The following PAPSS1 variants were observed in gnomAD, a reference collection of about 807,000 sequenced individuals.
PAPSS1 encodes 3'-phosphoadenosine 5'-phosphosulfate synthase 1.
PAPSS1 carries 50 observed loss-of-function variants against 72.0 expected under a neutral mutation model. That is an observed-to-expected ratio of 0.69 (90% confidence interval 0.55 to 0.88). The LOEUF (loss-of-function observed/expected upper bound fraction) is 0.88, where lower values mean the gene tolerates loss of function less well. Ranked by LOEUF, PAPSS1 falls within the 40% of genes least tolerant of loss-of-function variation. PAPSS1 has a pLI of 0.00. For synonymous variants in PAPSS1, 261 were observed against 263.6 expected (o/e 0.99, Z 0.09); for missense variants, 657 against 782.2 (o/e 0.84, Z 1.91).
At chr4:107,696,034 C>T (rs1003783121) in intron 2 of PAPSS1, among the ~76,000 whole-genome samples, 1 of 152,132 alleles carries the variant, frequency 6.6e-6, no homozygotes, top group Admixed American at 6.5e-5. Context: ...TCATCTCATG[C>T]CAGTCAGAAT....
intron 5 of PAPSS1, among the ~76,000 whole-genome samples, chr4:107,669,182 C>T (rs554247813): frequency 2.6e-5 from 4 of 152,270 alleles, no homozygotes; most frequent in African/African-American, 9.6e-5. Context: ...ATGAAAAGTA[C>T]ACATTATAGC....
chr4:107,687,190 T>G lies in PAPSS1; in HGVS notation c.412-13A>C. 1 of 1,533,728 alleles carries G rather than the reference T, an allele frequency of 6.5e-7. No homozygotes were observed. ...CATTGTTGCGATCCTTAAAAAAAAATAAAATAAAAAGTGATCACACAAATC... is the reference window on the plus strand; with the variant it reads ...CATTGTTGCGATCCTTAAAAAAAAAGAAAATAAAAAGTGATCACACAAATC... On this transcript the variant is annotated splice_polypyrimidine_tract_variant and intron_variant, in intron 3 of 11. Coordinates refer to ENST00000265174, the MANE Select transcript of PAPSS1 (RefSeq NM_005443.5).
At chr4:107,694,051 G>T in intron 2 of PAPSS1, 45 bp from the exon 3 acceptor site, 1 of 1,341,828 alleles carries the variant, frequency 7.5e-7, no homozygotes, top group Non-Finnish European at 1.0e-6. Context: ...AAAGTTAGAA[G>T]GATAACTATG....
chr4:107,719,993 C>A (rs999562753), intron 1 of PAPSS1, 127 bp downstream of exon 1: 5 of 1,480,906 alleles, frequency 3.4e-6, no homozygotes, highest in Non-Finnish European at 3.6e-6. Context: ...CGCCGCAGCC[C>A]CGGAACCCAC....
intron 10 of PAPSS1, among the ~76,000 whole-genome samples, chr4:107,633,222 A>C (rs1293065827): frequency 6.6e-6 from 1 of 152,234 alleles, no homozygotes; most frequent in African/African-American, 2.4e-5. Flanking sequence ...AGTGATATCA[A>C]CATTTTTGAT....
At chr4:107,696,240 T>C (rs1035419066) in intron 2 of PAPSS1, among the ~76,000 whole-genome samples, 10 of 152,316 alleles carry the variant, frequency 6.6e-5, no homozygotes, top group Admixed American at 2.0e-4. Context: ...CCCAAAGGAA[T>C]ATAAATCATT....
intron 11 of PAPSS1, among the ~76,000 whole-genome samples, chr4:107,615,395 C>T (rs1725794852): frequency 6.6e-6 from 1 of 152,162 alleles, no homozygotes; most frequent in South Asian, 2.1e-4. Context: ...GTTCCTTCCT[C>T]TCTTCATTAT....
At chr4:107,687,242 A>G (rs1296274133) in intron 3 of PAPSS1, 65 bp from the exon 4 acceptor site, 2 of 1,253,960 alleles carry the variant, frequency 1.6e-6, no homozygotes, top group Non-Finnish European at 2.1e-6. Context: ...AATATTAAAG[A>G]TGAGTAAAAA....
intron 3 of PAPSS1, among the ~76,000 whole-genome samples, chr4:107,690,508 A>G (rs1477379112): frequency 5.3e-5 from 8 of 152,136 alleles, no homozygotes; most frequent in Admixed American, 5.2e-4. Context: ...TTGCCTCAAG[A>G]TATTGTAACT....
chr4:107,626,050 C>T (rs556354545), intron 11 of PAPSS1, among the ~76,000 whole-genome samples: 319 of 151,742 alleles, frequency 2.1e-3, no homozygotes, highest in Non-Finnish European at 3.6e-3. Context: ...CGGTGGCAGG[C>T]GCTGGGAGTC....
intron 10 of PAPSS1, among the ~76,000 whole-genome samples, chr4:107,643,391 TGCAA>T (rs1379679026): frequency 6.6e-6 from 1 of 152,160 alleles, no homozygotes; most frequent in Non-Finnish European, 1.5e-5. Flanking sequence ...CTATTTCCCA[TGCAA>T]CTTTGGACAT....
At chr4:107,654,930 C>G (rs1274243344) in intron 7 of PAPSS1, 30 bp from the exon 8 acceptor site, 1 of 1,543,606 alleles carries the variant, frequency 6.5e-7, no homozygotes, top group Admixed American at 1.7e-5. Flanking sequence ...ATGAAGCACA[C>G]AGCTTGAATT....
intron 4 of PAPSS1, among the ~76,000 whole-genome samples, chr4:107,684,041 G>A (rs907087970): frequency 6.6e-6 from 1 of 151,938 alleles, no homozygotes; most frequent in Non-Finnish European, 1.5e-5. Context: ...CAACAACAGG[G>A]GAATGTAGTC....
intron 9 of PAPSS1, among the ~76,000 whole-genome samples, chr4:107,651,509 G>T (rs1343594872): frequency 6.6e-6 from 1 of 152,184 alleles, no homozygotes; most frequent in Non-Finnish European, 1.5e-5. Context: ...TTGACTCACA[G>T]TTCCACACAG....
At chr4:107,696,997 C>A (rs111577010) in intron 2 of PAPSS1, among the ~76,000 whole-genome samples, 1 of 152,148 alleles carries the variant, frequency 6.6e-6, no homozygotes, top group East Asian at 1.9e-4. Flanking sequence ...AATAGTGACA[C>A]GATGATGTGT....
At chr4:107,614,887 G>A (rs540781307) in intron 11 of PAPSS1, among the ~76,000 whole-genome samples, 1 of 151,890 alleles carries the variant, frequency 6.6e-6, no homozygotes, top group Non-Finnish European at 1.5e-5. Context: ...CCCATCTCAC[G>A]GGTTGCCCTT....
intron 10 of PAPSS1, among the ~76,000 whole-genome samples, chr4:107,637,693 G>A (rs767474223): frequency 1.3e-5 from 2 of 152,038 alleles, no homozygotes; most frequent in Non-Finnish European, 2.9e-5. Flanking sequence ...TATTCTATAA[G>A]GCCAACTTTA....
chr4:107,679,740 G>A (rs915141062), intron 5 of PAPSS1, among the ~76,000 whole-genome samples: 6 of 150,590 alleles, frequency 4.0e-5, no homozygotes, highest in South Asian at 2.1e-4. Flanking sequence ...GAGCAGTGGC[G>A]CAATCTCGGC....
chr4:107,697,087 C>T (rs1560588841), intron 2 of PAPSS1, among the ~76,000 whole-genome samples: 2 of 152,036 alleles, frequency 1.3e-5, no homozygotes, highest in South Asian at 2.1e-4. Flanking sequence ...GACTAAATCC[C>T]TTGAGACCAC....
Sources: allele counts gnomAD v4.1 joint callset (sites outside exome capture counted in the v4.1 genomes callset), GRCh38; gene constraint gnomAD v4.1.1; transcripts MANE v1.5; gene names NCBI Gene and HGNC (gene_info 2026-07-23, HGNC 2026-07-21).